The following PKP2 variants were observed in gnomAD, a reference collection of about 807,000 sequenced individuals.
The protein encoded by PKP2 is plakophilin 2.
In PKP2, 73 loss-of-function variants were observed where a neutral mutation model predicts 83.4. The ratio of observed to expected loss-of-function variants is 0.88; its 90% confidence interval spans 0.72 to 1.06. The LOEUF (loss-of-function observed/expected upper bound fraction) is 1.06. Among genes scored for constraint, PKP2 ranks in the 50% least tolerant of loss-of-function variants. The probability of loss-of-function intolerance (pLI) is 0.00; values close to 1 mark genes in which losing one functional copy is unlikely to be tolerated. For synonymous variants in PKP2, 409 were observed against 430.4 expected (o/e 0.95, Z 0.62); for missense variants, 966 against 1,065.4 (o/e 0.91, Z 1.30).
At chr12:32,837,466 TAAC>T (rs1273652501) in intron 6 of PKP2, among the ~76,000 whole-genome samples, 2 of 152,118 alleles carry the variant, frequency 1.3e-5, no homozygotes, top group Non-Finnish European at 2.9e-5. Context: ...TTCTAGAACA[TAAC>T]AACAATAAAT....
At chr12:32,824,240 A>G in intron 6 of PKP2, 78 bp from the exon 7 acceptor site, 1 of 1,000,804 alleles carries the variant, frequency 1.0e-6, no homozygotes, top group Non-Finnish European at 1.6e-6. Flanking sequence ...GTTTTACTTG[A>G]TGCTTCTTCC....
intron 5 of PKP2, among the ~76,000 whole-genome samples, chr12:32,844,953 A>G (rs1219841156): frequency 6.6e-6 from 1 of 152,152 alleles, no homozygotes; most frequent in Admixed American, 6.5e-5. Flanking sequence ...ACCTAATATA[A>G]TATTTACGGT....
chr12:32,825,594 T>C (rs780653217), intron 6 of PKP2, among the ~76,000 whole-genome samples: 11 of 152,210 alleles, frequency 7.2e-5, no homozygotes, highest in African/African-American at 1.7e-4. Flanking sequence ...TTTTGAGCCT[T>C]ACTTTCTTCA....
intron 4 of PKP2, 151 bp downstream of exon 4, chr12:32,868,776 C>A (rs949610853): frequency 9.4e-6 from 8 of 854,992 alleles, no homozygotes; most frequent in African/African-American, 1.7e-5. Context: ...CCTGCCTCGG[C>A]CTCCCAAAGT....
At chr12:32,873,615 C>T (rs1316652116) in intron 3 of PKP2, among the ~76,000 whole-genome samples, 8 of 151,792 alleles carry the variant, frequency 5.3e-5, no homozygotes, top group South Asian at 2.1e-4. Context: ...TTGCAACCTC[C>T]GCCTCCTGGG....
At chr12:32,845,761 T>A (rs1414149600) in intron 5 of PKP2, among the ~76,000 whole-genome samples, 1 of 152,166 alleles carries the variant, frequency 6.6e-6, no homozygotes, top group Non-Finnish European at 1.5e-5. Context: ...TGGTTCTTTT[T>A]AACCGTGTTT....
intron 4 of PKP2, chr12:32,863,472 A>G: frequency 5.2e-6 from 1 of 191,746 alleles, no homozygotes; most frequent in South Asian, 1.1e-4. Flanking sequence ...GTGGATTCGT[A>G]AAAAACAAAA....
intron 5 of PKP2, among the ~76,000 whole-genome samples, chr12:32,843,716 C>T (rs1001583837): frequency 3.9e-5 from 6 of 152,178 alleles, no homozygotes; most frequent in Non-Finnish European, 7.3e-5. Context: ...TGTCCCTCAG[C>T]CACAGGTTTT....
Position 32,796,193 on chromosome 12 carries a change from A to G in PKP2, c.2273T>C (p.Ile758Thr), listed in dbSNP as rs1242813157. The G allele has an allele frequency of 6.2e-7, 1 of 1,613,664 alleles. No individual in the cohort carries two copies. The highest frequency in any genetic ancestry group is 1.3e-5 in the African/African-American group (1 of 74,836). The change falls in exon 11 of 13, where the codon ATA (isoleucine) becomes ACA (threonine). Residue 758 changes from isoleucine (I) to threonine (T), a missense_variant. By Grantham distance (89) the Ile-to-Thr change is moderately conservative. Transcript: ENST00000340811. Reference protein sequence around the residue: ...TASACYTLNNIIQNSYQNARD... With the variant: ...TASACYTLNNTIQNSYQNARD... Reference sequence around the variant, plus strand: ...TGCATTCTGGTAACTGTTTTGGATTATGTTGTTCAATGTGTAACAGGCAGA... The same window carrying G: ...TGCATTCTGGTAACTGTTTTGGATTGTGTTGTTCAATGTGTAACAGGCAGA...
At chr12:32,867,627 G>T (rs564046668) in intron 4 of PKP2, among the ~76,000 whole-genome samples, 16 of 151,864 alleles carry the variant, frequency 1.1e-4, no homozygotes, top group Admixed American at 2.0e-4. Flanking sequence ...TCCAAGATAC[G>T]GTATAAAAAA....
intron 5 of PKP2, chr12:32,843,283 C>G (rs764794066): frequency 7.4e-7 from 1 of 1,356,140 alleles, no homozygotes; most frequent in South Asian, 1.1e-5. Flanking sequence ...GCCCGGCCAG[C>G]CATTCCTACT....
At chr12:32,839,796 G>A (rs1042487393) in intron 6 of PKP2, among the ~76,000 whole-genome samples, 1 of 152,150 alleles carries the variant, frequency 6.6e-6, no homozygotes, top group Admixed American at 6.5e-5. Flanking sequence ...GGTGAGCGAT[G>A]GATCAAAGTG....
At chr12:32,880,322 C>T (rs922463767) in intron 1 of PKP2, among the ~76,000 whole-genome samples, 1 of 151,932 alleles carries the variant, frequency 6.6e-6, no homozygotes, top group Admixed American at 6.6e-5. Flanking sequence ...ATCGCTTGAA[C>T]CCGGGAGGCA....
intron 5 of PKP2, chr12:32,843,150 T>A (rs1565587801): frequency 2.2e-6 from 1 of 448,984 alleles, no homozygotes; most frequent in Non-Finnish European, 4.5e-6. Context: ...CGGCTAATTT[T>A]TTTGTATTTT....
chr12:32,821,086 A>T (rs1022108450), intron 9 of PKP2: 10 of 429,570 alleles, frequency 2.3e-5, no homozygotes, highest in Non-Finnish European at 4.3e-6. Flanking sequence ...TCAGTGCCAT[A>T]AGCCAAAAAT....
At chr12:32,823,022 C>T (rs1001557891) in intron 7 of PKP2, among the ~76,000 whole-genome samples, 10 of 152,110 alleles carry the variant, frequency 6.6e-5, no homozygotes, top group Non-Finnish European at 2.9e-5. Flanking sequence ...ACATTAGAAG[C>T]ATTAGAGGGA....
At chr12:32,865,249 C>G (rs1956836490) in intron 4 of PKP2, among the ~76,000 whole-genome samples, 1 of 151,812 alleles carries the variant, frequency 6.6e-6, no homozygotes, top group Admixed American at 6.6e-5. Context: ...GTGGCAGTTG[C>G]CTGTAATCCC....
At chr12:32,863,235 C>A in intron 4 of PKP2, 1 of 243,754 alleles carries the variant, frequency 4.1e-6, no homozygotes. Flanking sequence ...TCTACTTGGG[C>A]AAGAGATGTC....
intron 6 of PKP2, among the ~76,000 whole-genome samples, chr12:32,825,162 C>CTTTTTTTTT (rs10607965): frequency 1.3e-5 from 1 of 76,854 alleles, no homozygotes; most frequent in Non-Finnish European, 2.3e-5. Flanking sequence ...AGATCAGTTT[C>CTTTTTTTTT]TTTTTTTTTT....
Sources: gnomAD v4.1 joint callset for allele counts (sites outside exome capture counted in the v4.1 genomes callset) on GRCh38, gnomAD v4.1.1 for gene constraint, MANE v1.5 for transcripts, NCBI Gene and HGNC (gene_info 2026-07-23, HGNC 2026-07-21) for gene names.